CHN2: variants seen among roughly 807,000 people sequenced by gnomAD.
CHN2 encodes the protein beta-chimaerin.
In CHN2, 35 loss-of-function variants were observed where a neutral mutation model predicts 56.3. That is an observed-to-expected ratio of 0.62 (90% CI 0.47 to 0.82). CHN2 has a LOEUF of 0.82. Among genes scored for constraint, CHN2 ranks in the 40% least tolerant of loss-of-function variants. CHN2 has a pLI of 0.00. For missense variants in CHN2, 491 were observed against 580.5 expected (o/e 0.85, Z 1.58); for synonymous variants, 210 against 212.8 (o/e 0.99, Z 0.12).
chr7:29,233,748 C>CCTA (rs1443348988), intron 1 of CHN2, among the ~76,000 whole-genome samples: 2 of 145,172 alleles, frequency 1.4e-5, no homozygotes, highest in Non-Finnish European at 3.0e-5. Flanking sequence ...CTGCTGGCAG[C>CCTA]CTGTAGAAGC....
intron 1 of CHN2, among the ~76,000 whole-genome samples, chr7:29,239,176 G>A (rs1184666561): frequency 6.6e-6 from 1 of 152,218 alleles, no homozygotes; most frequent in Admixed American, 6.5e-5. Flanking sequence ...AGGCCAGAGT[G>A]ATGGCAGTGG....
intron 6 of CHN2, among the ~76,000 whole-genome samples, chr7:29,404,110 G>T (rs1802443213): frequency 6.6e-6 from 1 of 152,166 alleles, no homozygotes; most frequent in African/African-American, 2.4e-5. Context: ...CTGAGCAGTT[G>T]TGCCTCATTC....
chr7:29,403,359 G>A (rs984534153), intron 6 of CHN2, among the ~76,000 whole-genome samples: 1 of 151,786 alleles, frequency 6.6e-6, no homozygotes, highest in Non-Finnish European at 1.5e-5. Flanking sequence ...TGCTAAGGGC[G>A]TGTCTTGAAG....
At chr7:29,482,968 C>T (rs1787490685) in intron 7 of CHN2, among the ~76,000 whole-genome samples, 1 of 151,024 alleles carries the variant, frequency 6.6e-6, no homozygotes, top group South Asian at 2.1e-4. Context: ...ACTACAGGCG[C>T]CCGCCAACAC....
intron 6 of CHN2, among the ~76,000 whole-genome samples, chr7:29,444,355 C>T (rs1239300686): frequency 2.6e-5 from 4 of 152,188 alleles, no homozygotes; most frequent in South Asian, 4.1e-4. Flanking sequence ...TGATTCTGCA[C>T]GTTGGCCAGG....
intron 1 of CHN2, among the ~76,000 whole-genome samples, chr7:29,294,836 C>A (rs530351335): frequency 7.2e-5 from 11 of 152,280 alleles, no homozygotes; most frequent in African/African-American, 2.6e-4. Flanking sequence ...TGCTGAAATT[C>A]CATTCCCTTC....
chr7:29,483,942 C>A, intron 7 of CHN2: 1 of 1,204,452 alleles, frequency 8.3e-7, no homozygotes, highest in Non-Finnish European at 1.1e-6. Context: ...TTAAAGAATA[C>A]ATGCGAGTCA....
At chr7:29,150,640 A>G (rs1793461773) in intron 2 of CHN2, among the ~76,000 whole-genome samples, 1 of 152,226 alleles carries the variant, frequency 6.6e-6, no homozygotes. Context: ...TGCTGCCAGC[A>G]AGATAAATGT....
chr7:29,195,076 C>T (rs1783500819), intron 1 of CHN2, 86 bp downstream of exon 1: 2 of 1,397,896 alleles, frequency 1.4e-6, no homozygotes, highest in Non-Finnish European at 1.9e-6. Context: ...ACAGAGCCTA[C>T]CTGTGGCCAT....
At chr7:29,483,834 T>G in intron 7 of CHN2, 1 of 1,274,222 alleles carries the variant, frequency 7.8e-7, no homozygotes, top group Non-Finnish European at 1.0e-6. Context: ...GAGGTAGCTT[T>G]AGCCCGCATA....
At chr7:29,468,138 C>T in intron 6 of CHN2, among the ~76,000 whole-genome samples, 1 of 30,220 alleles carries the variant, frequency 3.3e-5, no homozygotes, top group South Asian at 2.5e-3. Flanking sequence ...CCAAACGGAC[C>T]CGCCCCCCCC....
At chr7:29,486,918 A>G (rs10243644) in intron 7 of CHN2, among the ~76,000 whole-genome samples, 50 of 152,230 alleles carry the variant, frequency 3.3e-4, no homozygotes, top group African/African-American at 1.1e-3. Flanking sequence ...TCATTTTTGC[A>G]TTCTTCTCAG....
At chr7:29,211,056 TTTG>T (rs1290501812) in intron 1 of CHN2, among the ~76,000 whole-genome samples, 11 of 85,690 alleles carry the variant, frequency 1.3e-4, no homozygotes, top group African/African-American at 4.4e-4. Flanking sequence ...ACTTAGGTGT[TTTG>T]TTTTTTTTTT....
At chr7:29,461,079 C>T (rs750482878) in intron 6 of CHN2, among the ~76,000 whole-genome samples, 7 of 152,230 alleles carry the variant, frequency 4.6e-5, no homozygotes, top group Non-Finnish European at 8.8e-5. Context: ...AAGCCATTCT[C>T]CTCCATCTGT....
chr7:29,458,816 A>C (rs1414444273), intron 6 of CHN2, among the ~76,000 whole-genome samples: 1 of 152,190 alleles, frequency 6.6e-6, no homozygotes, highest in Non-Finnish European at 1.5e-5. Flanking sequence ...GAGCAGACCC[A>C]CCAAAGAAGA....
At chr7:29,202,196 T>A (rs1003084916) in intron 1 of CHN2, among the ~76,000 whole-genome samples, 1 of 152,210 alleles carries the variant, frequency 6.6e-6, no homozygotes, top group Admixed American at 6.5e-5. Flanking sequence ...ATGTGTGGAC[T>A]GAGGTTGCTA....
chr7:29,317,832 T>C (rs1795067464), intron 1 of CHN2, among the ~76,000 whole-genome samples: 1 of 152,140 alleles, frequency 6.6e-6, no homozygotes, highest in African/African-American at 2.4e-5. Context: ...CTACAAAACA[T>C]ACAAACATTA....
At chr7:29,451,626 G>T (rs1784411992) in intron 6 of CHN2, among the ~76,000 whole-genome samples, 1 of 152,080 alleles carries the variant, frequency 6.6e-6, no homozygotes, top group South Asian at 2.1e-4. Context: ...GAAGAAGAGA[G>T]AAATAATTTT....
At chr7:29,211,896 T>C (rs1784987371) in intron 1 of CHN2, among the ~76,000 whole-genome samples, 1 of 152,224 alleles carries the variant, frequency 6.6e-6, no homozygotes, top group Non-Finnish European at 1.5e-5. Context: ...TAATAACTTT[T>C]TATAAAGAAC....
Sources: gnomAD v4.1 joint callset for allele counts (sites outside exome capture counted in the v4.1 genomes callset) on GRCh38, gnomAD v4.1.1 for gene constraint, MANE v1.5 for transcripts, NCBI Gene and HGNC (gene_info 2026-07-23, HGNC 2026-07-21) for gene names.